The following C6orf52 variants were observed in gnomAD, a reference collection of about 807,000 sequenced individuals.
The protein encoded by C6orf52 is putative uncharacterized protein C6orf52.
In C6orf52, 16 loss-of-function variants were observed where a neutral mutation model predicts 16.6. The ratio of observed to expected loss-of-function variants is 0.96; its 90% CI spans 0.65 to 1.46. The LOEUF is 1.46. C6orf52 is among the 40% of genes most tolerant of loss of function. The probability of loss-of-function intolerance (pLI) is 0.00; values close to 1 mark genes in which losing one functional copy is unlikely to be tolerated. For missense variants in C6orf52, 166 were observed against 182.3 expected (o/e 0.91, Z 0.52); for synonymous variants, 53 against 61.4 (o/e 0.86, Z 0.64).
intron 3 of C6orf52, among the ~76,000 whole-genome samples, chr6:10,684,608 T>C (rs1053147718): frequency 1.3e-5 from 2 of 152,236 alleles, no homozygotes; most frequent in African/African-American, 2.4e-5. Context: ...GAAGGTGTGC[T>C]GATGGACCAC....
intron 3 of C6orf52, chr6:10,684,923 A>C (rs374861955): frequency 7.8e-7 from 1 of 1,275,080 alleles, no homozygotes; most frequent in South Asian, 1.3e-5. Flanking sequence ...ACAGGGGGTC[A>C]CTACAGCCAC....
At chr6:10,678,860 G>A (rs7767953) in intron 4 of C6orf52, among the ~76,000 whole-genome samples, 9 of 151,698 alleles carry the variant, frequency 5.9e-5, no homozygotes, top group African/African-American at 2.2e-4. Context: ...TTTGGGAGGC[G>A]GAGGCAGGAA....
At chr6:10,685,931 A>G (rs553273039) in intron 3 of C6orf52, among the ~76,000 whole-genome samples, 1 of 152,338 alleles carries the variant, frequency 6.6e-6, no homozygotes, top group East Asian at 1.9e-4. Flanking sequence ...CACATCCAGA[A>G]TTATATTCTT....
intron 4 of C6orf52, among the ~76,000 whole-genome samples, chr6:10,679,536 C>T (rs931280392): frequency 6.8e-6 from 1 of 147,016 alleles, no homozygotes; most frequent in Non-Finnish European, 1.5e-5. Context: ...TACACTTGCT[C>T]AATGCAGGGC....
intron 3 of C6orf52, among the ~76,000 whole-genome samples, chr6:10,685,359 A>C (rs1768787540): frequency 6.6e-6 from 1 of 152,156 alleles, no homozygotes; most frequent in South Asian, 2.1e-4. Flanking sequence ...AATTGGGCTA[A>C]AAGGGGGAAA....
At chr6:10,686,430 G>C (rs532556276) in intron 3 of C6orf52, among the ~76,000 whole-genome samples, 2 of 151,998 alleles carry the variant, frequency 1.3e-5, no homozygotes, top group Admixed American at 6.6e-5. Context: ...GGGTGTGTGT[G>C]GGGGGGAACT....
chr6:10,671,901 G>A (rs777705460), intron 4 of C6orf52, among the ~76,000 whole-genome samples: 1 of 152,154 alleles, frequency 6.6e-6, no homozygotes, highest in Non-Finnish European at 1.5e-5. Context: ...GGAAAAGGAA[G>A]GTCAAGAATG....
Position 10,687,537 on chromosome 6 carries a change from T to C in C6orf52, c.14A>G (p.Glu5Gly), listed in dbSNP as rs1236692938. Reference protein sequence around the residue: MAQPESSADFGIAQQ... With the variant: MAQPGSSADFGIAQQ... ...AGCTATGCCAAAATCTGCAGAACTCTCTGGTTGGGCCATTTACCCAGAAAC... is the reference window on the plus strand; with the variant it reads ...AGCTATGCCAAAATCTGCAGAACTCCCTGGTTGGGCCATTTACCCAGAAAC... The change falls in exon 2 of 5, where the codon GAG becomes GGG. Residue 5 changes from glutamate (E) to glycine (G), a missense_variant. By Grantham distance (98) the Glu-to-Gly change is moderately conservative. Transcript: ENST00000259983. The C allele has an allele frequency of 6.4e-7, 1 of 1,550,706 alleles. No homozygotes were observed. The highest frequency in any genetic ancestry group is 2.4e-5 in the East Asian group (1 of 40,922).
chr6:10,678,049 C>T (rs1768046491), intron 4 of C6orf52, among the ~76,000 whole-genome samples: 1 of 151,524 alleles, frequency 6.6e-6, no homozygotes, highest in Non-Finnish European at 1.5e-5. Context: ...GTGGTAATTC[C>T]AATCCTACTG....
intron 3 of C6orf52, 50 bp from the exon 4 acceptor site, chr6:10,683,282 A>G (rs1047702404): frequency 4.4e-6 from 5 of 1,136,428 alleles, no homozygotes; most frequent in Non-Finnish European, 6.4e-6. Flanking sequence ...TAAAGGTTTA[A>G]TATCAATACA....
chr6:10,675,465 T>C (rs902913825), intron 4 of C6orf52, among the ~76,000 whole-genome samples: 3 of 152,210 alleles, frequency 2.0e-5, no homozygotes, highest in Non-Finnish European at 4.4e-5. Flanking sequence ...ATCTTGGCTA[T>C]TGTGAATAGT....
chr6:10,690,778 A>T (rs1012536981), intron 1 of C6orf52, among the ~76,000 whole-genome samples: 1 of 152,250 alleles, frequency 6.6e-6, no homozygotes, highest in Non-Finnish European at 1.5e-5. Flanking sequence ...TGAACTCTCA[A>T]CATTGGTTGT....
At chr6:10,688,814 GTTTT>G in intron 1 of C6orf52, among the ~76,000 whole-genome samples, 1 of 152,204 alleles carries the variant, frequency 6.6e-6, no homozygotes, top group South Asian at 2.1e-4. Flanking sequence ...GGGGTTTTTT[GTTTT>G]GTTTTGTTTT....
chr6:10,671,784 T>C (rs989240709), intron 4 of C6orf52, among the ~76,000 whole-genome samples, 186 bp from the exon 5 acceptor site: 1 of 152,082 alleles, frequency 6.6e-6, no homozygotes, highest in East Asian at 1.9e-4. Context: ...GCTATAAAAG[T>C]AGTAGTGTCA....
At chr6:10,674,788 TAGTCA>T (rs1265219845) in intron 4 of C6orf52, 5 of 151,888 alleles carry the variant, frequency 3.3e-5, no homozygotes, top group African/African-American at 9.7e-5. Flanking sequence ...TCATTAACTA[TAGTCA>T]CCATGGTATA....
intron 3 of C6orf52, among the ~76,000 whole-genome samples, chr6:10,685,849 G>A (rs1232521211): frequency 1.3e-5 from 2 of 152,142 alleles, no homozygotes; most frequent in African/African-American, 2.4e-5. Context: ...AATGAAAAGT[G>A]TAAATTCATG....
upstream of C6orf52, chr6:10,694,853 C>T (rs1769731539): frequency 1.5e-6 from 1 of 657,112 alleles, no homozygotes; most frequent in Non-Finnish European, 2.6e-6. Context: ...TTAAAGGCAG[C>T]CCTGGAGCCT....
At chr6:10,682,676 AT>A (rs1167082064) in intron 4 of C6orf52, among the ~76,000 whole-genome samples, 1 of 152,206 alleles carries the variant, frequency 6.6e-6, no homozygotes, top group East Asian at 1.9e-4. Flanking sequence ...GAAGCAAAAC[AT>A]TTTTTCCCCT....
chr6:10,694,597 T>TG lies in C6orf52; in HGVS notation c.-116_-115insC. 2.0e-5 allele frequency: 4 copies of TG among 195,438 alleles called. No homozygotes were observed. Among genetic ancestry groups the TG allele is most frequent in the South Asian group, 7.3e-5 (1 of 13,732 alleles). 12.1% of individuals were successfully genotyped at this position (195,438 alleles called of 1,614,324 possible). On this transcript the variant is annotated 5_prime_UTR_variant, in exon 1 of 5. Transcript: ENST00000259983. ...TGCACGCTGCCGGCGCTACAGCCCC[T>TG]AAGCAACCGGCCGGAAGTCGGCCCC... is the stretch of plus-strand genomic sequence containing the variant.
Sources: gnomAD v4.1 joint callset for allele counts (sites outside exome capture counted in the v4.1 genomes callset) on GRCh38, gnomAD v4.1.1 for gene constraint, MANE v1.5 for transcripts, NCBI Gene and HGNC (gene_info 2026-07-23, HGNC 2026-07-21) for gene names.